The following FAM53A variants were observed in gnomAD, a reference collection of about 807,000 sequenced individuals.
The protein encoded by FAM53A is protein FAM53A.
FAM53A carries 28 observed loss-of-function variants against 26.6 expected under a neutral mutation model. The observed-to-expected ratio is 1.05, with a 90% CI of 0.78 to 1.45. The LOEUF (loss-of-function observed/expected upper bound fraction) is 1.45, where lower values mean the gene tolerates loss of function less well. Ranked by LOEUF, FAM53A falls within the 40% of genes most tolerant of loss-of-function variation. The pLI is 0.00. For synonymous variants in FAM53A, 290 were observed against 253.1 expected (o/e 1.15, Z -1.38); for missense variants, 650 against 575.8 (o/e 1.13, Z -1.32).
At chr4:1,684,484 C>T (rs979003380), upstream of FAM53A, among the ~76,000 whole-genome samples, 1 of 150,686 alleles carries the variant, frequency 6.6e-6, no homozygotes, top group Non-Finnish European at 1.5e-5. Context: ...GCTCGCACCG[C>T]CCACCGAGTC....
the FAM53A span, among the ~76,000 whole-genome samples, chr4:1,599,384 G>A: frequency 1.3e-5 from 2 of 152,224 alleles, no homozygotes; most frequent in Admixed American, 6.5e-5. This position sits in a 1 kb window ranked among gnomAD's most constrained non-coding sequence, Gnocchi z 6.1. Context: ...TCGGGGGCAG[G>A]GCATGGCACC....
chr4:1,655,347 C>T lies in FAM53A; in HGVS notation c.513G>A (p.Arg171=). Residue 171 remains arginine, a synonymous_variant, in exon 4 of 5, where the codon AGG becomes AGA. Transcript: ENST00000308132. ...RQGSPGAVLP[R]SAVWSTGPTS... Reference sequence around the variant, plus strand: ...TGGGACCGGTCGACCACACAGCACTCCTCGGCAGGACGGCGCCGGGGCTTC... The same window carrying T: ...TGGGACCGGTCGACCACACAGCACTTCTCGGCAGGACGGCGCCGGGGCTTC... The T allele has an allele frequency of 7.0e-7, 1 of 1,437,582 alleles. No homozygotes were observed. The highest frequency in any genetic ancestry group is 9.1e-7 in the Non-Finnish European group (1 of 1,098,384). 89.1% of individuals were successfully genotyped at this position (1,437,582 alleles called of 1,614,324 possible). A position where few individuals can be genotyped will look rare whatever the true frequency, so the allele number is the denominator to read the frequency against.
At chr4:1,605,748 G>A in the FAM53A span, among the ~76,000 whole-genome samples, 147 of 152,240 alleles carry the variant, frequency 9.7e-4, 1 homozygote, top group African/African-American at 3.2e-3. The surrounding 1 kb of genome is among the most constrained non-coding windows in gnomAD (Gnocchi z 5.7). Context: ...GGCACCGCCC[G>A]CAGCAGTTCT....
intron 4 of FAM53A, among the ~76,000 whole-genome samples, chr4:1,643,235 G>A (rs1014230444): frequency 2.0e-4 from 31 of 152,144 alleles, no homozygotes; most frequent in Non-Finnish European, 2.9e-4. Context: ...GGGAGGCCGG[G>A]GCGGGCGGAT....
the FAM53A span, among the ~76,000 whole-genome samples, chr4:1,593,022 T>G: frequency 2.0e-5 from 3 of 151,738 alleles, no homozygotes; most frequent in Non-Finnish European, 4.4e-5. Flanking sequence ...CTGGGTCACT[T>G]TCTCCCCAGT....
chr4:1,655,367 G>A lies in FAM53A; in HGVS notation c.493C>T (p.Pro165Ser). 1 of 1,443,568 alleles carries A rather than the reference G, an allele frequency of 6.9e-7. No individual in the cohort carries two copies. The highest frequency in any genetic ancestry group is 9.1e-7 in the Non-Finnish European group (1 of 1,099,282). The allele number at this position is 1,443,568 out of a possible 1,614,324, so 89.4% of individuals were successfully genotyped here. A position where few individuals can be genotyped will look rare whatever the true frequency, so the allele number is the denominator to read the frequency against. ...GCACTCCTCGGCAGGACGGCGCCGGGGCTTCCCTGCCGCGTGGCACTCCCG... is the reference window on the plus strand; with the variant it reads ...GCACTCCTCGGCAGGACGGCGCCGGAGCTTCCCTGCCGCGTGGCACTCCCG... ...SGGSATRQGS[P>S]GAVLPRSAVW... is the part of the protein sequence containing the mutation. Residue 165 changes from proline (P) to serine (S), a missense_variant, in exon 4 of 5, where the codon CCC (proline) becomes TCC (serine). Coordinates refer to ENST00000308132, the MANE Select transcript of FAM53A (RefSeq NM_001174070.3).
chr4:1,655,007 G>T lies in FAM53A; in HGVS notation c.853C>A (p.Pro285Thr). 6.5e-7 allele frequency: 1 copy of T among 1,548,362 alleles called. No homozygotes were observed. The highest frequency in any genetic ancestry group is 8.7e-7 in the Non-Finnish European group (1 of 1,148,178). The change falls in exon 4 of 5, where the codon CCA (proline) becomes ACA (threonine). Residue 285 changes from proline (P) to threonine (T), a missense_variant. Coordinates refer to ENST00000308132, the MANE Select transcript of FAM53A (RefSeq NM_001174070.3). ...RREEDARWTR[P>T]SLDFLKMTQT... ...GTCATTTTCAGGAAGTCCAAGGATG[G>T]GCGTGTCCACCTGGCGTCCTCCTCA...
chr4:1,607,747 C>A, the FAM53A span, among the ~76,000 whole-genome samples: 1 of 152,122 alleles, frequency 6.6e-6, no homozygotes, highest in Non-Finnish European at 1.5e-5. Context: ...TGGAGACCAG[C>A]CTGATCAACA....
intron 4 of FAM53A, among the ~76,000 whole-genome samples, chr4:1,648,786 T>A (rs1044605798): frequency 2.0e-5 from 3 of 152,148 alleles, no homozygotes; most frequent in African/African-American, 7.2e-5. Flanking sequence ...AGCACCCACA[T>A]CACTGTTCTG....
the FAM53A span, among the ~76,000 whole-genome samples, chr4:1,597,215 C>T: frequency 2.9e-5 from 3 of 104,758 alleles, no homozygotes; most frequent in Non-Finnish European, 4.2e-5. Flanking sequence ...GCAGGGCCCT[C>T]AGCCGCCTGG....
At chr4:1,681,363 C>T (rs981429304) in intron 1 of FAM53A, among the ~76,000 whole-genome samples, 15 of 152,062 alleles carry the variant, frequency 9.9e-5, no homozygotes, top group African/African-American at 3.6e-4. Context: ...GGGTCCAGCC[C>T]CACAAGGTCG....
At chr4:1,600,213 G>A in the FAM53A span, among the ~76,000 whole-genome samples, 2 of 152,106 alleles carry the variant, frequency 1.3e-5, no homozygotes, top group African/African-American at 4.8e-5. Context: ...GGCAGGAGGG[G>A]GTGCCCTACT....
intron 1 of FAM53A, among the ~76,000 whole-genome samples, chr4:1,619,362 A>C (rs1412119357): frequency 6.6e-6 from 1 of 152,138 alleles, no homozygotes. Context: ...GCAAGGCAGG[A>C]GGGCAGAGGC....
the FAM53A span, among the ~76,000 whole-genome samples, chr4:1,604,437 A>T: frequency 6.6e-6 from 1 of 152,074 alleles, no homozygotes; most frequent in Non-Finnish European, 1.5e-5. Flanking sequence ...AGGGTCCCGT[A>T]CCGTGGGCAG....
At chr4:1,623,570 G>A (rs554223510) in intron 1 of FAM53A, among the ~76,000 whole-genome samples, 20 of 152,348 alleles carry the variant, frequency 1.3e-4, no homozygotes, top group Admixed American at 3.3e-4. Context: ...CCCCTCCTGC[G>A]GTGGGTGGCG....
At chr4:1,610,109 G>C in the FAM53A span, among the ~76,000 whole-genome samples, 2 of 151,054 alleles carry the variant, frequency 1.3e-5, no homozygotes, top group African/African-American at 2.4e-5. Context: ...CTATGCTTGT[G>C]AGCACCTATA....
chr4:1,678,698 T>C (rs1213359367), intron 1 of FAM53A, among the ~76,000 whole-genome samples: 1 of 152,080 alleles, frequency 6.6e-6, no homozygotes, highest in East Asian at 1.9e-4. Flanking sequence ...GGCGTACATC[T>C]GTAATCCCAG....
the FAM53A span, among the ~76,000 whole-genome samples, chr4:1,577,620 C>A: frequency 2.0e-5 from 3 of 152,202 alleles, no homozygotes; most frequent in Non-Finnish European, 4.4e-5. Context: ...CCCCGGCTGC[C>A]TGTTGTGCGC....
chr4:1,643,160 T>G (rs1322572446), intron 4 of FAM53A, among the ~76,000 whole-genome samples: 1 of 152,272 alleles, frequency 6.6e-6, no homozygotes, highest in African/African-American at 2.4e-5. Context: ...CTAAGGATAT[T>G]ATTGGGCTCT....
Sources: gnomAD v4.1 joint callset for allele counts (sites outside exome capture counted in the v4.1 genomes callset) on GRCh38, gnomAD v4.1.1 for gene constraint, Gnocchi (gnomAD v3.1) non-coding constraint, MANE v1.5 for transcripts, NCBI Gene and HGNC (gene_info 2026-07-23, HGNC 2026-07-21) for gene names.